The following KCNQ2 variants were observed in gnomAD, a reference collection of about 807,000 sequenced individuals.
KCNQ2 encodes potassium voltage-gated channel subfamily Q member 2, also known as potassium voltage-gated channel subfamily KQT member 2.
Under a neutral mutation model 84.8 loss-of-function variants are expected in KCNQ2, and 14 were observed. That is an observed-to-expected ratio of 0.17 (90% CI 0.11 to 0.26). The LOEUF is 0.26. Among genes scored for constraint, KCNQ2 ranks in the 10% least tolerant of loss-of-function variants. The pLI is 1.00. For missense variants in KCNQ2, 788 were observed against 1,254.0 expected, an observed-to-expected ratio of 0.63 and a Z score of 5.61; for synonymous variants, 599 against 554.1, an observed-to-expected ratio of 1.08 and a Z score of -1.14.
At position 63,406,840 on chromosome 20, in the gene KCNQ2, G is replaced by A; in HGVS notation, c.2423C>T (p.Ser808Phe). 1.2e-6 allele frequency: 2 copies of A among 1,612,462 alleles called. No homozygotes were observed. The highest frequency in any genetic ancestry group is 1.1e-5 in the South Asian group (1 of 91,028). ...LERSFSGFSISQSKENLDALN... is the reference protein window; with the variant it reads ...LERSFSGFSIFQSKENLDALN... ...AGCATCCAGGTTCTCCTTGGACTGGGAGATGCTGAAGCCGCTGAAGGAACG... is the reference window on the plus strand; with the variant it reads ...AGCATCCAGGTTCTCCTTGGACTGGAAGATGCTGAAGCCGCTGAAGGAACG... Residue 808 changes from serine to phenylalanine, a missense_variant, in exon 17 of 17, where the codon TCC becomes TTC. Ser to Phe is a radical substitution (Grantham distance 155). Coordinates refer to ENST00000359125, the MANE Select transcript of KCNQ2 (RefSeq NM_172107.4).
chr20:63,442,965 CCACCACCACCAT>C (rs2081257029), intron 4 of KCNQ2, among the ~76,000 whole-genome samples: 1 of 44,030 alleles, frequency 2.3e-5, no homozygotes. Context: ...ACCATCACCA[CCACCACCACCAT>C]CACCACCATT....
At chr20:63,442,923 C>G (rs140813846) in intron 4 of KCNQ2, among the ~76,000 whole-genome samples, 1 of 9,528 alleles carries the variant, frequency 1.0e-4, no homozygotes, top group Non-Finnish European at 2.0e-4. Flanking sequence ...ACCATCACCA[C>G]CATCACCATC....
intron 1 of KCNQ2, chr20:63,466,402 C>A (rs940388625): frequency 6.6e-6 from 1 of 152,288 alleles, no homozygotes; most frequent in Non-Finnish European, 1.5e-5. Flanking sequence ...AACAGCAGCG[C>A]AGGCCTCTCC....
At chr20:63,470,740 C>G (rs1184553288) in intron 1 of KCNQ2, 1 of 152,168 alleles carries the variant, frequency 6.6e-6, no homozygotes, top group Non-Finnish European at 1.5e-5. Flanking sequence ...TGACCAGTAC[C>G]GGCCCACCAA....
chr20:63,456,588 G>A (rs1317664309), intron 1 of KCNQ2, among the ~76,000 whole-genome samples: 1 of 152,178 alleles, frequency 6.6e-6, no homozygotes, highest in African/African-American at 2.4e-5. Context: ...AGGGGCCCCT[G>A]ACATCAAGAC....
chr20:63,413,704 T>TAATGATAC, intron 14 of KCNQ2, 123 bp from the exon 15 acceptor site: 3 of 1,041,832 alleles, frequency 2.9e-6, no homozygotes, highest in Non-Finnish European at 4.3e-6. Context: ...CCCTCTTGTC[T>TAATGATAC]GCCGCCCACC....
chr20:63,472,595 C>G lies in KCNQ2; in HGVS notation c.-132G>C. ...CGAGGCGGCGGTTCCGCACTCCTGC[C>G]GGGCTTGGGCCGCGCGCGGAGACGC... On this transcript the variant is annotated 5_prime_UTR_variant, in exon 1 of 17. Coordinates refer to ENST00000359125, the MANE Select transcript of KCNQ2 (RefSeq NM_172107.4). The G allele has an allele frequency of 9.7e-6, 7 of 722,048 alleles. No individual in the cohort carries two copies. Among genetic ancestry groups the G allele is most frequent in the East Asian group, 5.2e-5 (1 of 19,254 alleles). 44.7% of individuals were successfully genotyped at this position (722,048 alleles called of 1,614,324 possible). A position where few individuals can be genotyped will look rare whatever the true frequency, so the allele number is the denominator to read the frequency against.
rs1011987868 is a variant in KCNQ2 at position 63,401,088 on chromosome 20, C to T, written c.*5556G>A. 26 of 388,002 alleles carry T rather than the reference C, an allele frequency of 6.7e-5. No homozygotes were observed. Among genetic ancestry groups the T allele is most frequent in the Non-Finnish European group, 8.6e-5 (19 of 219,898 alleles). The allele number at this position is 388,002 out of a possible 1,614,324, so 24.0% of individuals were successfully genotyped here. ...GTCAGACGCTGAGGACCTCTCAGGACGGGGCCCCTGGCCAGAGCCAGTCTC... is the reference window on the plus strand; with the variant it reads ...GTCAGACGCTGAGGACCTCTCAGGATGGGGCCCCTGGCCAGAGCCAGTCTC... On this transcript the variant is annotated 3_prime_UTR_variant, in exon 17 of 17. Transcript: ENST00000359125.
rs144570836 is a variant in KCNQ2, at chr20:63,442,353, G to A, written c.816+53C>T. ...CCAGTGAGAGCCTGGTCCCAGCACA[G>A]GGACAGGGGTGTATCAGCAGGGAAA... On this transcript the variant is annotated intron_variant, in intron 5 of 16. Coordinates refer to ENST00000359125, the MANE Select transcript of KCNQ2 (RefSeq NM_172107.4). 648 of 1,613,240 alleles carry A rather than the reference G, an allele frequency of 4.0e-4. 2 individuals are homozygous for A. The African/African-American group carries it at 7.5e-3, about 19-fold the overall frequency.
At chr20:63,443,353 C>T (rs1254686219) in intron 4 of KCNQ2, among the ~76,000 whole-genome samples, 4 of 143,610 alleles carry the variant, frequency 2.8e-5, no homozygotes, top group African/African-American at 7.7e-5. Context: ...TCACCACCAC[C>T]ACCACCATCA....
intron 1 of KCNQ2, among the ~76,000 whole-genome samples, chr20:63,470,690 C>T (rs957892786): frequency 1.2e-4 from 18 of 152,176 alleles, no homozygotes; most frequent in African/African-American, 4.3e-4. Flanking sequence ...GGGTTCTATC[C>T]TACCCTCCTC....
At chr20:63,448,413 C>A (rs1350812290) in intron 1 of KCNQ2, 1 of 152,280 alleles carries the variant, frequency 6.6e-6, no homozygotes, top group Non-Finnish European at 1.5e-5. Flanking sequence ...CCGGCGGGGA[C>A]GGAGCCACAG....
chr20:63,413,693 C>T, intron 14 of KCNQ2, 112 bp from the exon 15 acceptor site: 1 of 1,144,396 alleles, frequency 8.7e-7, no homozygotes. Context: ...GCTGGACTTG[C>T]CCCTCTTGTC....
chr20:63,464,508 C>A (rs1023411006), intron 1 of KCNQ2, among the ~76,000 whole-genome samples: 1 of 152,134 alleles, frequency 6.6e-6, no homozygotes, highest in Admixed American at 6.5e-5. Context: ...ATGCCCCCCA[C>A]GCACAGCAGC....
intron 4 of KCNQ2, among the ~76,000 whole-genome samples, chr20:63,442,836 CCACCACCATCACCATCACCACCACCAT>C (rs2081234544): frequency 5.0e-5 from 2 of 40,034 alleles, no homozygotes; most frequent in Admixed American, 2.2e-4. Flanking sequence ...ACCATCACCA[CCACCACCATCACCATCACCACCACCAT>C]CACCATCACC....
At position 63,472,287 on chromosome 20, in the gene KCNQ2, C is replaced by G; in HGVS notation, c.177G>C (p.Ala59=). Residue 59 remains alanine (A), a synonymous_variant, in exon 1 of 17, where the codon GCG becomes GCC. Transcript: ENST00000359125. ...GGGGCTTCCCGGCGCCCGCGCCGCC[C>G]GCGCGAGGTTTGCTGAGGATGCTGC... The part of the protein sequence containing the change: ...KRGSILSKPR[A]GGAGAGKPPK... 7.2e-6 allele frequency: 11 copies of G among 1,538,390 alleles called. No homozygotes were observed. Among genetic ancestry groups the G allele is most frequent in the Non-Finnish European group, 9.6e-6 (11 of 1,142,480 alleles).
At chr20:63,429,270 C>CG (rs1007008537) in intron 9 of KCNQ2, among the ~76,000 whole-genome samples, 100 of 151,948 alleles carry the variant, frequency 6.6e-4, no homozygotes, top group African/African-American at 2.3e-3. Flanking sequence ...GGGGCCTCCC[C>CG]CACCCGGCTC....
At chr20:63,444,624 G>T in intron 4 of KCNQ2, 35 bp downstream of exon 4, 1 of 1,493,156 alleles carries the variant, frequency 6.7e-7, no homozygotes, top group Non-Finnish European at 9.0e-7. Flanking sequence ...CGCTGGCTGG[G>T]GGCGCCCACC....
intron 1 of KCNQ2, among the ~76,000 whole-genome samples, chr20:63,469,859 C>A (rs1019351155): frequency 1.3e-5 from 2 of 152,234 alleles, no homozygotes; most frequent in East Asian, 1.9e-4. Context: ...GGGGGCTGCA[C>A]TCCAAGGATG....
Sources: gnomAD v4.1 joint callset for allele counts (sites outside exome capture counted in the v4.1 genomes callset) on GRCh38, gnomAD v4.1.1 for gene constraint, MANE v1.5 for transcripts, NCBI Gene and HGNC (gene_info 2026-07-23, HGNC 2026-07-21) for gene names.